HPR: variants seen among roughly 807,000 people sequenced by gnomAD.
HPR encodes the protein Haptoglobin-related locus.
Under a neutral mutation model 18.5 loss-of-function variants are expected in HPR, and 17 were observed. The ratio of observed to expected loss-of-function variants is 0.92; its 90% CI spans 0.63 to 1.38. The LOEUF is 1.38. HPR is among the 40% of genes most tolerant of loss of function. HPR has a pLI of 0.00. For synonymous variants in HPR, 176 were observed against 165.0 expected, an observed-to-expected ratio of 1.07 and a Z score of -0.51; for missense variants, 457 against 432.4, an observed-to-expected ratio of 1.06 and a Z score of -0.51.
intron 1 of HPR, among the ~76,000 whole-genome samples, chr16:72,072,991 C>T (rs181284201): frequency 1.4e-4 from 21 of 152,238 alleles, no homozygotes; most frequent in Admixed American, 6.5e-4. Context: ...ACAACCTTCC[C>T]GCCAGTCGTT....
At chr16:72,066,940 C>T (rs1478970836) in intron 1 of HPR, among the ~76,000 whole-genome samples, 1 of 152,156 alleles carries the variant, frequency 6.6e-6, no homozygotes, top group African/African-American at 2.4e-5. Flanking sequence ...CCAAGCCTCC[C>T]AAACCCAGTT....
chr16:72,071,743 C>T (rs1197410828), intron 1 of HPR, among the ~76,000 whole-genome samples: 2 of 152,186 alleles, frequency 1.3e-5, no homozygotes, highest in Admixed American at 6.5e-5. Flanking sequence ...TGGAGCAGAA[C>T]ATGCACTCTA....
chr16:72,071,945 G>T (rs72787062), intron 1 of HPR, among the ~76,000 whole-genome samples: 4 of 152,010 alleles, frequency 2.6e-5, no homozygotes, highest in Non-Finnish European at 5.9e-5. Flanking sequence ...TTGAATCCAC[G>T]TTCTTCTGGT....
rs369512628 is a variant in HPR, at chr16:72,073,932, C to T, written c.46C>T (p.Gln16Ter). 2 of 1,613,934 alleles carry T rather than the reference C, an allele frequency of 1.2e-6. No homozygotes were observed. Among genetic ancestry groups the T allele is most frequent in the Non-Finnish European group, 1.7e-6 (2 of 1,180,010 alleles). Residue 16 changes from glutamine to a stop codon, truncating the protein, a stop_gained, in exon 2 of 5, where the codon CAG becomes TAG. Transcript: ENST00000540303. LOFTEE classifies it high-confidence loss of function. ...AVISLLLWGR[Q>*]LFALYSGNDV... ...CATTTCCCTCCTGCTCTGGGGACGA[C>T]AGCTTTTTGCACTGTACTCAGGCAA...
chr16:72,075,162 G>A lies in HPR; in HGVS notation c.211G>A (p.Asp71Asn). 12 of 1,378,570 alleles carry A rather than the reference G, an allele frequency of 8.7e-6. No homozygotes were observed. Among genetic ancestry groups the A allele is most frequent in the South Asian group, 2.4e-5 (2 of 81,648 alleles). The allele number at this position is 1,378,570 out of a possible 1,614,324, so 85.4% of individuals were successfully genotyped here. ...TEGDGVYTLN[D>N]KKQWINKAVG... ...TGTTTCAGGAGTATACACCTTAAAT[G>A]ATAAGAAGCAGTGGATAAATAAGGC... is the stretch of plus-strand genomic sequence containing the variant. Residue 71 changes from aspartate (D) to asparagine (N), a missense_variant, in exon 4 of 5, where the codon GAT (aspartate) becomes AAT (asparagine). Asp to Asn is a conservative substitution (Grantham distance 23, BLOSUM62 1). Transcript: ENST00000540303.
intron 1 of HPR, among the ~76,000 whole-genome samples, chr16:72,070,050 TG>T (rs1020854748): frequency 6.6e-6 from 1 of 152,176 alleles, no homozygotes; most frequent in Non-Finnish European, 1.5e-5. Context: ...CCATATCCCT[TG>T]GCATCTCTCC....
At position 72,074,370 on chromosome 16, in the gene HPR, C is replaced by T. The variant is rs368767302; in HGVS notation, c.178C>T (p.Arg60Cys). The stretch of plus-strand genomic sequence containing the variant: ...CCAGTGTAAGAACTACTACAGACTG[C>T]GCACAGAAGGAGATGGTAAGACCTG... ...RYQCKNYYRLRTEGDGVYTLN... is the reference protein window; with the variant it reads ...RYQCKNYYRLCTEGDGVYTLN... The change falls in exon 3 of 5, where the codon CGC becomes TGC. Residue 60 changes from arginine (R) to cysteine (C), a missense_variant. Transcript: ENST00000540303. 1.4e-4 allele frequency: 224 copies of T among 1,611,840 alleles called. No individual in the cohort carries two copies. The highest frequency in any genetic ancestry group is 2.8e-4 in the Admixed American group (17 of 59,982).
chr16:72,067,025 G>A (rs1452189439), intron 1 of HPR, among the ~76,000 whole-genome samples: 1 of 152,022 alleles, frequency 6.6e-6, no homozygotes, highest in Non-Finnish European at 1.5e-5. Flanking sequence ...AGAAAAGCAA[G>A]ACCAAAAAAT....
At position 72,073,867 on chromosome 16, in the gene HPR, G is replaced by A. The variant is rs370065405; in HGVS notation, c.6-25G>A. On this transcript the variant is annotated intron_variant, in intron 1 of 4. Coordinates refer to ENST00000540303, the MANE Select transcript of HPR (RefSeq NM_020995.4). Reference sequence around the variant, plus strand: ...TGTGAAGCAGGGAGACCAGCTTTCCGCTCCTTCTTGTTTTCTCTCTGCAGT... The same window carrying A: ...TGTGAAGCAGGGAGACCAGCTTTCCACTCCTTCTTGTTTTCTCTCTGCAGT... 34 of 1,613,260 alleles carry A rather than the reference G, an allele frequency of 2.1e-5. 1 individual carries two copies. The highest frequency in any genetic ancestry group is 2.2e-5 in the Non-Finnish European group (26 of 1,179,800).
Position 72,076,164 on chromosome 16 carries a change from G to C in HPR, c.269-139G>C. 2.0e-6 allele frequency: 3 copies of C among 1,483,842 alleles called. No individual in the cohort carries two copies. In the South Asian group the frequency reaches 4.0e-5, roughly 20 times the overall value. The allele number at this position is 1,483,842 out of a possible 1,614,324, so 91.9% of individuals were successfully genotyped here. A position where few individuals can be genotyped will look rare whatever the true frequency, so the allele number is the denominator to read the frequency against. ...TTAAAACTGCAACTATTGGAAATGAGATCAGCAGGTGGTAAGGACAAAGCA... is the reference window on the plus strand; with the variant it reads ...TTAAAACTGCAACTATTGGAAATGACATCAGCAGGTGGTAAGGACAAAGCA... On this transcript the variant is annotated intron_variant, in intron 4 of 4. Coordinates refer to ENST00000540303, the MANE Select transcript of HPR (RefSeq NM_020995.4).
At chr16:72,070,589 A>G (rs2041644386) in intron 1 of HPR, among the ~76,000 whole-genome samples, 1 of 152,142 alleles carries the variant, frequency 6.6e-6, no homozygotes, top group Non-Finnish European at 1.5e-5. Flanking sequence ...CCCCAACCAA[A>G]TTAACTCTAA....
intron 1 of HPR, among the ~76,000 whole-genome samples, chr16:72,070,778 C>T (rs1417400562): frequency 4.6e-5 from 7 of 152,120 alleles, no homozygotes; most frequent in Admixed American, 4.6e-4. Context: ...GTACCTATGT[C>T]CATACCATAA....
At position 72,076,970 on chromosome 16, in the gene HPR, C is replaced by A; in HGVS notation, c.936C>A (p.Tyr312Ter). 6.2e-7 allele frequency: 1 copy of A among 1,614,182 alleles called. No homozygotes were observed. The highest frequency in any genetic ancestry group is 1.1e-5 in the South Asian group (1 of 91,058). Residue 312 changes from tyrosine (Y) to a stop codon, truncating the protein, a stop_gained, in exon 5 of 5, where the codon TAC becomes TAA. Transcript: ENST00000540303. LOFTEE classifies it high-confidence loss of function. Reference sequence around the variant, plus strand: ...ACGACCTGGAGGAGGACACCTGGTACGCGGCTGGGATCCTAAGCTTTGATA... The same window carrying A: ...ACGACCTGGAGGAGGACACCTGGTAAGCGGCTGGGATCCTAAGCTTTGATA... ...AVHDLEEDTW[Y>*]AAGILSFDKS...
At position 72,073,952 on chromosome 16, in the gene HPR, A is replaced by T. The variant is rs750835311; in HGVS notation, c.66A>T (p.Ser22=). The change falls in exon 2 of 5, where the codon TCA becomes TCT. Residue 22 remains serine, a synonymous_variant. Coordinates refer to ENST00000540303, the MANE Select transcript of HPR (RefSeq NM_020995.4). ...LWGRQLFALY[S]GNDVTDISDD... is the part of the protein sequence containing the mutation. The stretch of plus-strand genomic sequence containing the variant: ...GACGACAGCTTTTTGCACTGTACTC[A>T]GGCAATGATGTCACGGATATTTCAG... The T allele has an allele frequency of 1.9e-5, 30 of 1,613,914 alleles. No individual in the cohort carries two copies. Among genetic ancestry groups the T allele is most frequent in the Non-Finnish European group, 2.5e-5 (29 of 1,180,006 alleles).
intron 4 of HPR, among the ~76,000 whole-genome samples, 166 bp from the exon 5 acceptor site, chr16:72,076,136 AT>A (rs758197927): frequency 2.0e-4 from 31 of 152,332 alleles, no homozygotes; most frequent in Non-Finnish European, 3.5e-4. Flanking sequence ...TAAAAAAATT[AT>A]TTTAAAACTG....
intron 1 of HPR, among the ~76,000 whole-genome samples, chr16:72,066,790 G>A (rs541617557): frequency 2.0e-5 from 3 of 152,146 alleles, no homozygotes; most frequent in African/African-American, 7.2e-5. Context: ...TCTCAGAGAA[G>A]CTCAAAAGGT....
rs773105549 is a variant in HPR, at chr16:72,074,296, C to G, written c.104C>G (p.Pro35Arg). 2 of 1,613,838 alleles carry G rather than the reference C, an allele frequency of 1.2e-6. No homozygotes were observed. The highest frequency in any genetic ancestry group is 1.7e-5 in the Admixed American group (1 of 60,016). ...TCTCTCTTTGCAGATGACCGCTTCC[C>G]GAAGCCCCCTGAGATTGCAAATGGC... ...DVTDISDDRF[P>R]KPPEIANGYV... The change falls in exon 3 of 5, where the codon CCG becomes CGG. Residue 35 changes from proline to arginine, a missense_variant. Pro to Arg is a moderately radical substitution (Grantham distance 103, BLOSUM62 -2). Transcript: ENST00000540303.
At chr16:72,074,161 G>A (rs756916428) in intron 2 of HPR, 123 bp from the exon 3 acceptor site, 20 of 1,253,696 alleles carry the variant, frequency 1.6e-5, no homozygotes, top group South Asian at 9.8e-5. Flanking sequence ...TTGAGCTTTC[G>A]TTGGCTTCTA....
chr16:72,076,848 G>C lies in HPR; in HGVS notation c.814G>C (p.Val272Leu). The change falls in exon 5 of 5, where the codon GTG becomes CTG. Residue 272 changes from valine (V) to leucine (L), a missense_variant. Val to Leu is a conservative substitution (Grantham distance 32). Transcript: ENST00000540303. ...GAAGGCACCGAAGAGCCCTGTAGGGGTGCAGCCCATACTGAACGAACACAC... is the reference window on the plus strand; with the variant it reads ...GAAGGCACCGAAGAGCCCTGTAGGGCTGCAGCCCATACTGAACGAACACAC... ...KWKAPKSPVG[V>L]QPILNEHTFC... 6.2e-7 allele frequency: 1 copy of C among 1,614,258 alleles called. No homozygotes were observed. The highest frequency in any genetic ancestry group is 2.2e-5 in the East Asian group (1 of 44,888).
Sources: allele counts gnomAD v4.1 joint callset (sites outside exome capture counted in the v4.1 genomes callset), GRCh38; gene constraint gnomAD v4.1.1; transcripts MANE v1.5; gene names NCBI Gene and HGNC (gene_info 2026-07-23, HGNC 2026-07-21).